Variants in ZNF679 observed in about 807,000 individuals in gnomAD.
The protein encoded by ZNF679 is zinc finger protein 679, also known as hypothetical protein MGC42415.
Under a neutral mutation model 13.4 loss-of-function variants are expected in ZNF679, and 10 were observed. The observed-to-expected ratio is 0.75, with a 90% CI of 0.46 to 1.27. The LOEUF is 1.27. ZNF679 is among the 50% of genes most tolerant of loss of function. The probability of loss-of-function intolerance (pLI) is 0.00; values close to 1 mark genes in which losing one functional copy is unlikely to be tolerated. For missense variants in ZNF679, 525 were observed against 477.8 expected (o/e 1.10, Z -0.92); for synonymous variants, 179 against 162.5 (o/e 1.10, Z -0.77).
chr7:64,232,304 C>T (rs1787650644), intron 1 of ZNF679, among the ~76,000 whole-genome samples: 1 of 152,238 alleles, frequency 6.6e-6, no homozygotes. Flanking sequence ...GTTACAACAT[C>T]TTTGTACCAC....
At chr7:64,254,399 G>A (rs917525294) in intron 2 of ZNF679, among the ~76,000 whole-genome samples, 2 of 151,970 alleles carry the variant, frequency 1.3e-5, no homozygotes, top group Admixed American at 1.3e-4. Context: ...TTACAGGCAT[G>A]AGCCATCATG....
chr7:64,240,906 G>C (rs934900893), intron 1 of ZNF679, among the ~76,000 whole-genome samples: 3 of 152,106 alleles, frequency 2.0e-5, no homozygotes, highest in Non-Finnish European at 4.4e-5. Context: ...ACTGTGTTTT[G>C]ATAGAGGAAG....
chr7:64,263,332 C>T (rs1226172264), intron 4 of ZNF679, among the ~76,000 whole-genome samples: 1 of 152,164 alleles, frequency 6.6e-6, no homozygotes, highest in Non-Finnish European at 1.5e-5. Context: ...CCGAAGTGAT[C>T]CTTCCACCTT....
At chr7:64,251,578 GT>G (rs1242130009) in intron 2 of ZNF679, among the ~76,000 whole-genome samples, 3 of 152,276 alleles carry the variant, frequency 2.0e-5, no homozygotes, top group African/African-American at 4.8e-5. Flanking sequence ...CGTGGGTTGA[GT>G]TTTTTTGGGG....
rs771823292 is a variant in ZNF679 at position 64,260,209 on chromosome 7, A to T, written c.40-12A>T. 6.3e-7 allele frequency: 1 copy of T among 1,588,628 alleles called. No homozygotes were observed. Among genetic ancestry groups the T allele is most frequent in the Admixed American group, 1.9e-5 (1 of 52,684 alleles). On this transcript the variant is annotated splice_polypyrimidine_tract_variant and intron_variant, in intron 2 of 4. Transcript: ENST00000421025. ...TCATGAGTGTTTTTTTGTTGTTGTT[A>T]TTGTTTTTCAGGGACTGTTGACATT...
chr7:64,237,560 G>A (rs1469642931), intron 1 of ZNF679, among the ~76,000 whole-genome samples: 1 of 152,180 alleles, frequency 6.6e-6, no homozygotes, highest in Admixed American at 6.6e-5. Flanking sequence ...CTGCAGTGAT[G>A]TCTTTCTTTT....
At chr7:64,252,373 C>T (rs1411121952) in intron 2 of ZNF679, among the ~76,000 whole-genome samples, 3 of 152,036 alleles carry the variant, frequency 2.0e-5, no homozygotes, top group East Asian at 1.9e-4. Flanking sequence ...TTACAAAGGT[C>T]GTGAAAGAGA....
At chr7:64,260,645 G>A (rs146572847) in intron 3 of ZNF679, among the ~76,000 whole-genome samples, 189 bp from the exon 4 acceptor site, 5,028 of 152,148 alleles carry the variant, frequency 0.033, 183 homozygotes, top group East Asian at 0.17. Flanking sequence ...TTTTGATTCA[G>A]TAGTACTGAG....
At chr7:64,263,323 C>T (rs896587198) in intron 4 of ZNF679, among the ~76,000 whole-genome samples, 2 of 152,070 alleles carry the variant, frequency 1.3e-5, no homozygotes, top group South Asian at 2.1e-4. Context: ...ACTTCTTGCC[C>T]GAAGTGATCC....
chr7:64,232,840 G>A (rs77912680), intron 1 of ZNF679, among the ~76,000 whole-genome samples: 3,436 of 152,246 alleles, frequency 0.023, 57 homozygotes, highest in South Asian at 0.068. Flanking sequence ...TCAGAAATAT[G>A]TTTCACTGCT....
chr7:64,241,971 G>A (rs865984123), intron 1 of ZNF679, among the ~76,000 whole-genome samples: 2 of 152,172 alleles, frequency 1.3e-5, no homozygotes, highest in Non-Finnish European at 2.9e-5. Context: ...AAATGTGCTG[G>A]CTTCACTTAT....
intron 4 of ZNF679, among the ~76,000 whole-genome samples, chr7:64,264,574 T>C (rs1385374661): frequency 2.6e-5 from 4 of 152,150 alleles, no homozygotes; most frequent in Non-Finnish European, 5.9e-5. Flanking sequence ...TATATGCTTT[T>C]CCAGCATGTG....
rs1297325326 is a variant in ZNF679 at position 64,260,227 on chromosome 7, T to C, written c.46T>C (p.Leu16=). Residue 16 remains leucine, a synonymous_variant, in exon 3 of 5, where the codon TTG becomes CTG. Coordinates refer to ENST00000421025, the MANE Select transcript of ZNF679 (RefSeq NM_153363.3). ...GSPGSREMGL[L]TFRDVVIEFS... ...TGTTGTTATTGTTTTTCAGGGACTGTTGACATTCAGAGATGTAGTCATAGA... is the reference window on the plus strand; with the variant it reads ...TGTTGTTATTGTTTTTCAGGGACTGCTGACATTCAGAGATGTAGTCATAGA... 3 of 1,603,578 alleles carry C rather than the reference T, an allele frequency of 1.9e-6. No homozygotes were observed. The highest frequency in any genetic ancestry group is 1.7e-6 in the Non-Finnish European group (2 of 1,177,144).
intron 1 of ZNF679, among the ~76,000 whole-genome samples, chr7:64,242,316 A>G (rs550012640): frequency 5.9e-5 from 9 of 152,320 alleles, no homozygotes; most frequent in Admixed American, 5.9e-4. Flanking sequence ...GGTCCCTGTT[A>G]TGACACTGTA....
Position 64,260,867 on chromosome 7 carries a change from G to C in ZNF679, c.200G>C (p.Cys67Ser). 6.2e-7 allele frequency: 1 copy of C among 1,611,562 alleles called. No individual in the cohort carries two copies. Among genetic ancestry groups the C allele is most frequent in the Non-Finnish European group, 8.5e-7 (1 of 1,179,420 alleles). ...IAVSKPDLIT[C>S]LEQNKEPWNI... ...GTCTCTAAGCCAGACTTGATCACCT[G>C]TCTGGAGCAAAATAAAGAGCCTTGG... The change falls in exon 4 of 5, where the codon TGT (cysteine) becomes TCT (serine). Residue 67 changes from cysteine (C) to serine (S), a missense_variant. By Grantham distance (112) the Cys-to-Ser change is moderately radical. Transcript: ENST00000421025.
intron 1 of ZNF679, among the ~76,000 whole-genome samples, chr7:64,245,289 G>A (rs1380915047): frequency 6.6e-6 from 1 of 152,070 alleles, no homozygotes; most frequent in African/African-American, 2.4e-5. Context: ...GCCTCCCAAG[G>A]TTCTAGGATT....
intron 2 of ZNF679, among the ~76,000 whole-genome samples, chr7:64,252,608 GA>G (rs1171700811): frequency 1.3e-5 from 2 of 152,234 alleles, no homozygotes; most frequent in African/African-American, 4.8e-5. Context: ...ATTTGCACAA[GA>G]AAATGTGGTA....
At chr7:64,245,249 C>A (rs923914175) in intron 1 of ZNF679, among the ~76,000 whole-genome samples, 3 of 151,998 alleles carry the variant, frequency 2.0e-5, no homozygotes, top group Admixed American at 6.6e-5. Flanking sequence ...TGGTCTTGAA[C>A]CCCCCCACTC....
chr7:64,230,583 G>A (rs1787625150), intron 1 of ZNF679, among the ~76,000 whole-genome samples: 1 of 151,648 alleles, frequency 6.6e-6, no homozygotes, highest in Non-Finnish European at 1.5e-5. Flanking sequence ...AAGAACAGGA[G>A]AGTAATATCA....
Sources: gnomAD v4.1 joint callset for allele counts (sites outside exome capture counted in the v4.1 genomes callset) on GRCh38, gnomAD v4.1.1 for gene constraint, MANE v1.5 for transcripts, NCBI Gene and HGNC (gene_info 2026-07-23, HGNC 2026-07-21) for gene names.